The following TXNDC11 variants were observed in gnomAD, a reference collection of about 807,000 sequenced individuals.
TXNDC11 encodes the protein thioredoxin domain-containing protein 11.
TXNDC11 carries 68 observed loss-of-function variants against 78.0 expected under a neutral mutation model. The ratio of observed to expected loss-of-function variants is 0.87; its 90% CI spans 0.72 to 1.07. TXNDC11 has a LOEUF of 1.07. TXNDC11 is among the 50% of genes least tolerant of loss of function. The pLI, the probability that TXNDC11 is intolerant of heterozygous loss-of-function variation, is 0.00. For synonymous variants in TXNDC11, 571 were observed against 495.2 expected (o/e 1.15, Z -2.03); for missense variants, 1,389 against 1,221.8 (o/e 1.14, Z -2.04).
At chr16:11,733,312 C>G (rs1002964124) in intron 3 of TXNDC11, among the ~76,000 whole-genome samples, 3 of 151,922 alleles carry the variant, frequency 2.0e-5, no homozygotes, top group African/African-American at 7.3e-5. Context: ...TTTCAGCCCT[C>G]TTTGTGACTT....
chr16:11,712,618 G>A (rs1301861267), intron 5 of TXNDC11, among the ~76,000 whole-genome samples: 3 of 152,104 alleles, frequency 2.0e-5, no homozygotes, highest in African/African-American at 7.2e-5. Context: ...CACGTGCTGA[G>A]AGGATCTTTT....
At chr16:11,698,537 C>T (rs1597431577) in intron 6 of TXNDC11, among the ~76,000 whole-genome samples, 1 of 152,240 alleles carries the variant, frequency 6.6e-6, no homozygotes, top group Admixed American at 6.5e-5. Context: ...CAGGAGGTGA[C>T]TTCCATATCG....
chr16:11,700,590 A>G (rs1357190353), intron 5 of TXNDC11, 26 bp from the exon 6 acceptor site: 2 of 1,229,708 alleles, frequency 1.6e-6, no homozygotes, highest in Non-Finnish European at 2.4e-6. Flanking sequence ...TTCCTTTATT[A>G]AAGAAAAGGC....
At chr16:11,731,128 C>T (rs1477877649) in intron 3 of TXNDC11, among the ~76,000 whole-genome samples, 1 of 152,200 alleles carries the variant, frequency 6.6e-6, no homozygotes. Context: ...AAATTGACCA[C>T]ATGCTAAGGG....
chr16:11,734,055 AAC>A lies in TXNDC11; in HGVS notation c.494_495del (p.Cys165LeufsTer41). 2 of 1,603,340 alleles carry A rather than the reference AAC, an allele frequency of 1.2e-6. No individual in the cohort carries two copies. The highest frequency in any genetic ancestry group is 1.7e-6 in the Non-Finnish European group (2 of 1,177,830). Reference protein sequence around the residue: ...SDQVLFVAINCWWNQGKCRKQ... With the variant: ...SDQVLFVAINXWWNQGKCRKQ... The stretch of plus-strand genomic sequence containing the variant: ...TTTCTGCATTTCCCCTGGTTCCACC[AAC>A]AGTTAATTGCCACAAACAACACCTG... On this transcript the variant is annotated frameshift_variant, in exon 3 of 12. Transcript: ENST00000283033. LOFTEE classifies it high-confidence loss of function.
chr16:11,717,923 G>C (rs2051590728), intron 5 of TXNDC11, among the ~76,000 whole-genome samples: 1 of 151,974 alleles, frequency 6.6e-6, no homozygotes, highest in South Asian at 2.1e-4. Context: ...TGACAGATCA[G>C]CACTGAGGCC....
At chr16:11,719,399 CAA>C (rs1455107628) in intron 5 of TXNDC11, among the ~76,000 whole-genome samples, 1 of 152,208 alleles carries the variant, frequency 6.6e-6, no homozygotes, top group African/African-American at 2.4e-5. Flanking sequence ...CTGTGCAGCT[CAA>C]AGTCTTTCAA....
intron 5 of TXNDC11, among the ~76,000 whole-genome samples, chr16:11,709,303 A>G (rs2051270236): frequency 6.9e-6 from 1 of 145,132 alleles, no homozygotes; most frequent in Admixed American, 7.1e-5. Flanking sequence ...CCAGGCCTGG[A>G]GCGCAATGGC....
At chr16:11,727,668 C>CT (rs1449370318) in intron 4 of TXNDC11, among the ~76,000 whole-genome samples, 1 of 150,008 alleles carries the variant, frequency 6.7e-6, no homozygotes, top group African/African-American at 2.5e-5. Flanking sequence ...ACCCGCCCCC[C>CT]CCACCCCACC....
intron 5 of TXNDC11, among the ~76,000 whole-genome samples, chr16:11,702,797 T>C (rs559272933): frequency 1.3e-5 from 2 of 152,330 alleles, no homozygotes; most frequent in African/African-American, 4.8e-5. Flanking sequence ...TTTCCAGTTT[T>C]ATCCCATGAC....
chr16:11,722,518 A>T (rs1199129352), intron 4 of TXNDC11, among the ~76,000 whole-genome samples: 1 of 152,214 alleles, frequency 6.6e-6, no homozygotes, highest in Non-Finnish European at 1.5e-5. Context: ...ATCCCTGAGG[A>T]AAGAGTGCTG....
At chr16:11,712,097 A>G (rs572208252) in intron 5 of TXNDC11, among the ~76,000 whole-genome samples, 17 of 152,346 alleles carry the variant, frequency 1.1e-4, no homozygotes, top group African/African-American at 4.1e-4. Flanking sequence ...CATGAAAAAA[A>G]CAAACTTGGA....
At chr16:11,741,623 C>T (rs1048085154) in intron 1 of TXNDC11, among the ~76,000 whole-genome samples, 2 of 152,228 alleles carry the variant, frequency 1.3e-5, no homozygotes, top group Non-Finnish European at 2.9e-5. Flanking sequence ...GTTTCTATGC[C>T]CTGCATAGCA....
intron 4 of TXNDC11, among the ~76,000 whole-genome samples, chr16:11,725,824 G>A (rs1162565286): frequency 6.6e-6 from 1 of 152,176 alleles, no homozygotes; most frequent in African/African-American, 2.4e-5. Flanking sequence ...TGATGTTTAA[G>A]TAACTTAAAG....
At chr16:11,694,096 GCTTTT>G (rs2050791978) in intron 7 of TXNDC11, among the ~76,000 whole-genome samples, 1 of 110,404 alleles carries the variant, frequency 9.1e-6, no homozygotes, top group African/African-American at 4.2e-5. Flanking sequence ...CTACAGCAAT[GCTTTT>G]TTTTTTTTTT....
chr16:11,721,630 TG>T lies in TXNDC11; in HGVS notation c.739del (p.Gln247SerfsTer6), dbSNP rs751443151. 1.2e-6 allele frequency: 2 copies of T among 1,612,684 alleles called. No individual in the cohort carries two copies. The highest frequency in any genetic ancestry group is 1.7e-6 in the Non-Finnish European group (2 of 1,179,154). ...GAAGAAGGTCAAATAACCAGGAGGCTGGGGTGAGCCACTGAACTCAAAGTAC... is the reference window on the plus strand; with the variant it reads ...GAAGAAGGTCAAATAACCAGGAGGCTGGGTGAGCCACTGAACTCAAAGTAC... Reference protein sequence around the residue: ...LGYFEFSGSPQPPGYLTFFTS... With the variant: ...LGYFEFSGSPXPPGYLTFFTS... On this transcript the variant is annotated frameshift_variant, in exon 5 of 12. Coordinates refer to ENST00000283033, the MANE Select transcript of TXNDC11 (RefSeq NM_015914.7). LOFTEE classifies it high-confidence loss of function.
At chr16:11,722,077 T>C (rs1204470424) in intron 4 of TXNDC11, among the ~76,000 whole-genome samples, 1 of 152,242 alleles carries the variant, frequency 6.6e-6, no homozygotes, top group Admixed American at 6.5e-5. Context: ...AATTTTCTTT[T>C]AACCTTTCTT....
In TXNDC11 at chr16:11,700,556, C is replaced by T. The variant is rs1459959070; in HGVS notation, c.802G>A (p.Gly268Arg). 6.3e-7 allele frequency: 1 copy of T among 1,577,712 alleles called. No individual in the cohort carries two copies. Among genetic ancestry groups the T allele is most frequent in the Non-Finnish European group, 8.7e-7 (1 of 1,149,134 alleles). The stretch of plus-strand genomic sequence containing the variant: ...GTGATAACCCCAAATCGTACTGTTC[C>T]TAGGTAATCTGAAACAGAAAATTTT... ...ALHSLKKDYL[G>R]TVRFGVITNK... Residue 268 changes from glycine (G) to arginine (R), a missense_variant, in exon 6 of 12, where the codon GGA (glycine) becomes AGA (arginine). Gly to Arg is a moderately radical substitution (Grantham distance 125, BLOSUM62 -2). Coordinates refer to ENST00000283033, the MANE Select transcript of TXNDC11 (RefSeq NM_015914.7).
chr16:11,684,865 G>A (rs1021144052), intron 10 of TXNDC11, among the ~76,000 whole-genome samples: 1 of 152,220 alleles, frequency 6.6e-6, no homozygotes, highest in Non-Finnish European at 1.5e-5. Context: ...CAGACATGGA[G>A]CCACAACAGC....
Sources: allele counts gnomAD v4.1 joint callset (sites outside exome capture counted in the v4.1 genomes callset), GRCh38; gene constraint gnomAD v4.1.1; transcripts MANE v1.5; gene names NCBI Gene and HGNC (gene_info 2026-07-23, HGNC 2026-07-21).